Variants in SRGAP1 observed in about 807,000 individuals in gnomAD.
SRGAP1 encodes SLIT-ROBO Rho GTPase activating protein 1.
A neutral mutation model predicts 121.9 loss-of-function variants in SRGAP1; 43 were observed. The ratio of observed to expected loss-of-function variants is 0.35; its 90% confidence interval spans 0.28 to 0.46. The LOEUF is 0.46. Among genes scored for constraint, SRGAP1 ranks in the 20% least tolerant of loss-of-function variants. The pLI is 1.00. For missense variants in SRGAP1, 1,102 were observed against 1,350.9 expected (o/e 0.82, Z 2.89); for synonymous variants, 447 against 485.4 (o/e 0.92, Z 1.04).
chr12:63,856,842 A>G (rs1286291130), intron 1 of SRGAP1, among the ~76,000 whole-genome samples: 5 of 152,136 alleles, frequency 3.3e-5, no homozygotes, highest in African/African-American at 1.2e-4. Context: ...TGGCATTTTG[A>G]TTGGAATTGC....
chr12:64,093,852 A>G (rs1001005287), intron 12 of SRGAP1, among the ~76,000 whole-genome samples: 1 of 152,190 alleles, frequency 6.6e-6, no homozygotes, highest in Non-Finnish European at 1.5e-5. Flanking sequence ...CTTAAGAAGT[A>G]TAATACCCAT....
intron 1 of SRGAP1, among the ~76,000 whole-genome samples, chr12:63,893,893 C>T (rs1297307397): frequency 4.6e-5 from 7 of 152,236 alleles, no homozygotes; most frequent in Non-Finnish European, 1.0e-4. Context: ...GGCTTCAGTG[C>T]CGTAGCACAA....
chr12:64,011,194 A>AT (rs2034242245), intron 3 of SRGAP1, among the ~76,000 whole-genome samples: 1 of 151,734 alleles, frequency 6.6e-6, no homozygotes, highest in Non-Finnish European at 1.5e-5. Flanking sequence ...GATGAGTTAA[A>AT]AAAAATTGAA....
rs993041336 is a variant in SRGAP1 at position 64,157,788 on chromosome 12, T to C, written c.*15116T>C. 1 of 151,808 alleles carries C rather than the reference T, an allele frequency of 6.6e-6. No individual in the cohort carries two copies. Among genetic ancestry groups the C allele is most frequent in the Non-Finnish European group, 1.5e-5 (1 of 67,874 alleles). The allele number at this position is 151,808 out of a possible 1,614,324, so 9.4% of individuals were successfully genotyped here. A position where few individuals can be genotyped will look rare whatever the true frequency, so the allele number is the denominator to read the frequency against. ...TTCACAAGAGATAACTGATGCTAGCTGCTGTAACAAACAACCCCCCAAACT... is the reference window on the plus strand; with the variant it reads ...TTCACAAGAGATAACTGATGCTAGCCGCTGTAACAAACAACCCCCCAAACT... On this transcript the variant is annotated 3_prime_UTR_variant, in exon 22 of 22. Coordinates refer to ENST00000355086, the MANE Select transcript of SRGAP1 (RefSeq NM_020762.4).
At chr12:63,985,933 G>A (rs774573379) in intron 2 of SRGAP1, among the ~76,000 whole-genome samples, 44 of 152,122 alleles carry the variant, frequency 2.9e-4, no homozygotes, top group Admixed American at 3.9e-4. Flanking sequence ...TTGCAGTTCC[G>A]TTCATTTCAC....
rs533935924 is a variant in SRGAP1, at chr12:64,039,855, C to T, written c.490-2935C>T. ...TTCCCAGCTGCTCAGCTGCTTCCTA[C>T]TGCTATTTTATTTTGCTTTTAAACT... On this transcript the variant is annotated intron_variant, in intron 4 of 21. Transcript: ENST00000355086. 2.0e-5 allele frequency among the ~76,000 whole-genome samples: 3 copies of T among 152,238 alleles called. No individual in the cohort carries two copies. In the South Asian group the frequency reaches 6.2e-4, roughly 32 times the overall value.
chr12:64,011,577 G>A (rs571170762), intron 3 of SRGAP1, among the ~76,000 whole-genome samples: 3 of 152,080 alleles, frequency 2.0e-5, no homozygotes, highest in Admixed American at 2.0e-4. Context: ...TTAGTTCAGA[G>A]TGCTTAAAAC....
intron 1 of SRGAP1, among the ~76,000 whole-genome samples, chr12:63,925,600 T>C (rs745330719): frequency 7.2e-5 from 11 of 152,100 alleles, no homozygotes; most frequent in Non-Finnish European, 1.3e-4. Context: ...GTTACTTAAT[T>C]TTCACAGTCA....
At chr12:64,075,773 CTT>C (rs1424860189) in intron 8 of SRGAP1, among the ~76,000 whole-genome samples, 1 of 152,088 alleles carries the variant, frequency 6.6e-6, no homozygotes, top group African/African-American at 2.4e-5. Flanking sequence ...AGTATCTACT[CTT>C]TGCATTGTGC....
chr12:63,860,961 G>A (rs1899424971), intron 1 of SRGAP1, among the ~76,000 whole-genome samples: 1 of 151,822 alleles, frequency 6.6e-6, no homozygotes, highest in South Asian at 2.1e-4. Context: ...TCAGCCTCTT[G>A]AGTAACTGGG....
chr12:64,076,930 A>C (rs529454752), intron 8 of SRGAP1, among the ~76,000 whole-genome samples: 3 of 152,318 alleles, frequency 2.0e-5, no homozygotes, highest in Admixed American at 1.3e-4. Flanking sequence ...GGTGTGAGTC[A>C]CCACGCCCCG....
chr12:63,950,158 T>C (rs1301271549), intron 1 of SRGAP1, among the ~76,000 whole-genome samples: 2 of 152,172 alleles, frequency 1.3e-5, no homozygotes, highest in Admixed American at 6.5e-5. Flanking sequence ...TTGAAAGACA[T>C]ATCTTCTCAA....
chr12:64,133,576 T>C (rs1355738438), intron 21 of SRGAP1, among the ~76,000 whole-genome samples: 3 of 152,142 alleles, frequency 2.0e-5, no homozygotes, highest in African/African-American at 4.8e-5. Context: ...ACAGTTACCC[T>C]GGTAAAAGGC....
intron 1 of SRGAP1, among the ~76,000 whole-genome samples, chr12:63,948,849 TTTCCATATATATATA>T (rs2032141686): frequency 9.8e-6 from 1 of 101,662 alleles, no homozygotes; most frequent in South Asian, 3.1e-4. Flanking sequence ...ATATATATAT[TTTCCATATATATATA>T]TTCCATATAT....
At chr12:63,855,970 C>T (rs1899234861) in intron 1 of SRGAP1, among the ~76,000 whole-genome samples, 1 of 151,884 alleles carries the variant, frequency 6.6e-6, no homozygotes, top group African/African-American at 2.4e-5. Flanking sequence ...TTAAAAAGAT[C>T]CTCTAGGCTG....
chr12:64,082,244 C>T (rs187931210), intron 10 of SRGAP1, among the ~76,000 whole-genome samples: 24 of 151,990 alleles, frequency 1.6e-4, no homozygotes, highest in Non-Finnish European at 2.8e-4. Flanking sequence ...CTTGGGGCCA[C>T]ATTCTGAAAC....
intron 1 of SRGAP1, among the ~76,000 whole-genome samples, chr12:63,975,589 CT>C (rs148951833): frequency 0.017 from 2,656 of 152,002 alleles, 91 homozygotes; most frequent in African/African-American, 0.056. Context: ...ATTTTACGTT[CT>C]TTTTTTTCTC....
intron 4 of SRGAP1, among the ~76,000 whole-genome samples, chr12:64,036,856 C>T (rs1031569460): frequency 6.6e-6 from 1 of 152,162 alleles, no homozygotes; most frequent in East Asian, 1.9e-4. Flanking sequence ...CTATTTTACT[C>T]ATACTGTATA....
At chr12:63,852,319 G>GT (rs1458002131) in intron 1 of SRGAP1, among the ~76,000 whole-genome samples, 1 of 152,186 alleles carries the variant, frequency 6.6e-6, no homozygotes, top group Non-Finnish European at 1.5e-5. Flanking sequence ...GCTGTATCTT[G>GT]TTGCATTCTG....
Sources: allele counts gnomAD v4.1 joint callset (sites outside exome capture counted in the v4.1 genomes callset), GRCh38; gene constraint gnomAD v4.1.1; transcripts MANE v1.5; gene names NCBI Gene and HGNC (gene_info 2026-07-23, HGNC 2026-07-21).